TCF12: variants seen among roughly 807,000 people sequenced by gnomAD.
The protein encoded by TCF12 is transcription factor 12, also known as DNA-binding protein HTF4.
TCF12 carries 45 observed loss-of-function variants against 86.0 expected under a neutral mutation model. The ratio of observed to expected loss-of-function variants is 0.52; its 90% CI spans 0.41 to 0.67. The LOEUF (loss-of-function observed/expected upper bound fraction) is 0.67. Ranked by LOEUF, TCF12 falls within the 30% of genes least tolerant of loss-of-function variation. The probability of loss-of-function intolerance (pLI) is 0.00; values close to 1 mark genes in which losing one functional copy is unlikely to be tolerated. For missense variants in TCF12, 881 were observed against 859.9 expected (o/e 1.02, Z -0.31); for synonymous variants, 330 against 299.6 (o/e 1.10, Z -1.05).
intron 3 of TCF12, among the ~76,000 whole-genome samples, chr15:56,982,830 G>A (rs570567008): frequency 1.6e-4 from 25 of 152,298 alleles, no homozygotes; most frequent in African/African-American, 5.8e-4. Flanking sequence ...GTCATTTATA[G>A]TCTGTCTTAC....
At chr15:57,268,297 G>T (rs2060962998) in intron 18 of TCF12, among the ~76,000 whole-genome samples, 1 of 152,118 alleles carries the variant, frequency 6.6e-6, no homozygotes, top group African/African-American at 2.4e-5. Flanking sequence ...GACACCACTG[G>T]GCTCGATGAT....
At chr15:56,978,759 T>C (rs2062742635) in intron 3 of TCF12, among the ~76,000 whole-genome samples, 1 of 152,214 alleles carries the variant, frequency 6.6e-6, no homozygotes, top group Non-Finnish European at 1.5e-5. Flanking sequence ...TAGTGGGGCC[T>C]ACTATCCCTT....
intron 3 of TCF12, among the ~76,000 whole-genome samples, chr15:56,972,289 C>A (rs2062378080): frequency 1.3e-5 from 2 of 152,198 alleles, no homozygotes; most frequent in South Asian, 4.1e-4. Context: ...AATTCCACTT[C>A]TGGGCATTCA....
intron 3 of TCF12, among the ~76,000 whole-genome samples, chr15:56,977,425 C>A (rs1018421382): frequency 6.6e-6 from 1 of 152,028 alleles, no homozygotes; most frequent in Admixed American, 6.6e-5. Context: ...CCCAGCTACT[C>A]GGAAGGCTGA....
At position 57,063,820 on chromosome 15, in the gene TCF12, T is replaced by A; in HGVS notation, c.219T>A (p.Ser73=). The A allele has an allele frequency of 6.3e-7, 1 of 1,587,430 alleles. No individual in the cohort carries two copies. The highest frequency in any genetic ancestry group is 8.6e-7 in the Non-Finnish European group (1 of 1,160,138). ...AACCAAGTCCTTCCTATGATTCATCTAGAGTAAGTTTGCTGATCAACCCTT... is the reference window on the plus strand; with the variant it reads ...AACCAAGTCCTTCCTATGATTCATCAAGAGTAAGTTTGCTGATCAACCCTT... ...SGQPSPSYDS[S]RGFTDSPHYS... Residue 73 remains serine, a synonymous_variant, in exon 4 of 21, where the codon TCT becomes TCA. Transcript: ENST00000333725.
At chr15:57,172,794 G>GCAA (rs1201571083) in intron 6 of TCF12, among the ~76,000 whole-genome samples, 5 of 152,060 alleles carry the variant, frequency 3.3e-5, no homozygotes, top group African/African-American at 1.2e-4. Context: ...TTAGTAAAAA[G>GCAA]CAAAGTTGTA....
chr15:57,208,661 A>G (rs893508824), intron 8 of TCF12, among the ~76,000 whole-genome samples: 10 of 151,932 alleles, frequency 6.6e-5, no homozygotes, highest in African/African-American at 1.7e-4. Flanking sequence ...CTGGGATTAC[A>G]TGCGTGAGCC....
At chr15:57,280,137 GT>G (rs1254895388) in intron 19 of TCF12, among the ~76,000 whole-genome samples, 1 of 151,986 alleles carries the variant, frequency 6.6e-6, no homozygotes, top group East Asian at 1.9e-4. Flanking sequence ...TGATCCGCCT[GT>G]TTCGGCCTCC....
At chr15:57,077,731 G>T in intron 4 of TCF12, among the ~76,000 whole-genome samples, 1 of 139,236 alleles carries the variant, frequency 7.2e-6, no homozygotes. Flanking sequence ...CACACCTGGC[G>T]GATCTGTAGT....
At chr15:56,955,487 C>CT (rs2061469892) in intron 3 of TCF12, among the ~76,000 whole-genome samples, 1 of 152,066 alleles carries the variant, frequency 6.6e-6, no homozygotes, top group Admixed American at 6.6e-5. Flanking sequence ...ACCAACATGA[C>CT]ACATGTATAC....
chr15:57,135,113 G>C (rs1487676666), intron 5 of TCF12, among the ~76,000 whole-genome samples: 1 of 152,052 alleles, frequency 6.6e-6, no homozygotes, highest in Non-Finnish European at 1.5e-5. Context: ...AACTTGACAG[G>C]GATAATGGAT....
At chr15:57,070,436 A>G (rs116238737) in intron 4 of TCF12, among the ~76,000 whole-genome samples, 1,770 of 152,320 alleles carry the variant, frequency 0.012, 32 homozygotes, top group African/African-American at 0.04. Flanking sequence ...TCTAAAGTTC[A>G]TAGACAAAGC....
At chr15:57,128,900 A>G (rs1369610439) in intron 5 of TCF12, among the ~76,000 whole-genome samples, 1 of 152,228 alleles carries the variant, frequency 6.6e-6, no homozygotes, top group East Asian at 1.9e-4. Flanking sequence ...ATTCCATTGT[A>G]TGGATATACC....
At chr15:56,988,035 G>A (rs1160286509) in intron 3 of TCF12, among the ~76,000 whole-genome samples, 1 of 152,098 alleles carries the variant, frequency 6.6e-6, no homozygotes. Context: ...TAAAGTTAAT[G>A]TGCTTAAAAA....
At chr15:57,063,947 C>T in intron 4 of TCF12, 124 bp downstream of exon 4, 1 of 741,940 alleles carries the variant, frequency 1.3e-6, no homozygotes, top group East Asian at 2.5e-5. Context: ...CAGTAGAATA[C>T]CTAGTACCTT....
chr15:56,949,868 G>A (rs2061185760), intron 3 of TCF12, among the ~76,000 whole-genome samples: 1 of 152,188 alleles, frequency 6.6e-6, no homozygotes, highest in South Asian at 2.1e-4. Flanking sequence ...ATTGGTGCAT[G>A]TTTTGCTAGT....
intron 6 of TCF12, among the ~76,000 whole-genome samples, chr15:57,170,083 T>G (rs1215336844): frequency 6.6e-6 from 1 of 152,208 alleles, no homozygotes; most frequent in Non-Finnish European, 1.5e-5. Context: ...TTTTGCAGAT[T>G]AGTAAACAGA....
intron 3 of TCF12, among the ~76,000 whole-genome samples, chr15:56,998,126 A>G (rs1421182536): frequency 1.3e-5 from 2 of 152,208 alleles, no homozygotes; most frequent in Admixed American, 1.3e-4. Flanking sequence ...TCTCTTACGA[A>G]TAGAACTAGT....
chr15:57,261,020 T>G (rs2060562837), intron 16 of TCF12, among the ~76,000 whole-genome samples: 1 of 152,162 alleles, frequency 6.6e-6, no homozygotes, highest in Non-Finnish European at 1.5e-5. Flanking sequence ...CTGCCATAGT[T>G]TCTGTGGTCC....
Sources: allele counts gnomAD v4.1 joint callset (sites outside exome capture counted in the v4.1 genomes callset), GRCh38; gene constraint gnomAD v4.1.1; transcripts MANE v1.5; gene names NCBI Gene and HGNC (gene_info 2026-07-23, HGNC 2026-07-21).